GZMK: variants seen among roughly 807,000 people sequenced by gnomAD.
GZMK encodes NK-Tryp-2.
GZMK carries 18 observed loss-of-function variants against 22.8 expected under a neutral mutation model. The observed-to-expected ratio is 0.79, with a 90% CI of 0.54 to 1.17. The LOEUF (loss-of-function observed/expected upper bound fraction) is 1.17, where lower values mean the gene tolerates loss of function less well. Ranked by LOEUF, GZMK falls within the 50% of genes most tolerant of loss-of-function variation. GZMK has a pLI of 0.00. For missense variants in GZMK, 342 were observed against 320.2 expected, an observed-to-expected ratio of 1.07 and a Z score of -0.52; for synonymous variants, 136 against 115.0, an observed-to-expected ratio of 1.18 and a Z score of -1.17.
At chr5:55,030,377 C>G in intron 2 of GZMK, 57 bp from the exon 3 acceptor site, 1 of 1,539,266 alleles carries the variant, frequency 6.5e-7, no homozygotes, top group Non-Finnish European at 8.9e-7. Flanking sequence ...CATCACCACT[C>G]CCCACTGGGG....
At chr5:55,028,968 C>T (rs945448882) in intron 2 of GZMK, among the ~76,000 whole-genome samples, 2 of 152,208 alleles carry the variant, frequency 1.3e-5, no homozygotes, top group African/African-American at 4.8e-5. Context: ...GGCACAGAGA[C>T]TCACGCCTGT....
chr5:55,026,022 G>A lies in GZMK; in HGVS notation c.212+1215G>A, dbSNP rs139722488. Reference sequence around the variant, plus strand: ...TCTTCTCCAGGGCATTTGCCCCCTCGAGATCAGAGAGACAGAGTGGGGAAC... The same window carrying A: ...TCTTCTCCAGGGCATTTGCCCCCTCAAGATCAGAGAGACAGAGTGGGGAAC... On this transcript the variant is annotated intron_variant, in intron 2 of 4. Coordinates refer to ENST00000231009, the MANE Select transcript of GZMK (RefSeq NM_002104.3). Among the ~76,000 whole-genome samples the A allele has an allele frequency of 2.8e-3, 429 of 152,266 alleles. 1 individual carries two copies. The highest frequency in any genetic ancestry group is 7.4e-3 in the African/African-American group (306 of 41,546).
chr5:55,024,613 C>T, intron 1 of GZMK, 47 bp from the exon 2 acceptor site: 1 of 1,336,118 alleles, frequency 7.5e-7, no homozygotes, highest in East Asian at 2.3e-5. Flanking sequence ...TTACATGAAA[C>T]AGTAGTTTAG....
chr5:55,034,341 G>C lies in GZMK; in HGVS notation c.*415G>C, dbSNP rs1741283462. Reference sequence around the variant, plus strand: ...ATAGGCCCTTGCAACAAATGTTTAAGGGTATGATACATTATTGTTAACTAT... The same window carrying C: ...ATAGGCCCTTGCAACAAATGTTTAACGGTATGATACATTATTGTTAACTAT... On this transcript the variant is annotated 3_prime_UTR_variant, in exon 5 of 5. Transcript: ENST00000231009. The C allele has an allele frequency of 1.2e-5, 2 of 164,544 alleles. No homozygotes were observed. Among genetic ancestry groups the C allele is most frequent in the Admixed American group, 1.2e-4 (2 of 17,150 alleles). The allele number at this position is 164,544 out of a possible 1,614,324, so 10.2% of individuals were successfully genotyped here.
intron 4 of GZMK, among the ~76,000 whole-genome samples, chr5:55,032,913 G>C (rs1484424643): frequency 2.0e-5 from 3 of 152,116 alleles, no homozygotes; most frequent in African/African-American, 7.2e-5. Flanking sequence ...GTATAATTGG[G>C]GGAGAGGATA....
rs1580301802 is a variant in GZMK, at chr5:55,033,712, A to C, written c.634-53A>C. The C allele has an allele frequency of 5.4e-6, 8 of 1,488,194 alleles. No homozygotes were observed. The South Asian group carries it at 1.0e-4, about 19-fold the overall frequency. 92.2% of individuals were successfully genotyped at this position (1,488,194 alleles called of 1,614,324 possible). ...AATCAGCAGTTGGTGGTTAAAAAAC[A>C]AAAATATCCCAACAGCTTCTTACCA... is the stretch of plus-strand genomic sequence containing the variant. On this transcript the variant is annotated intron_variant, in intron 4 of 4. Coordinates refer to ENST00000231009, the MANE Select transcript of GZMK (RefSeq NM_002104.3).
At chr5:55,030,764 A>G (rs980619112) in intron 3 of GZMK, among the ~76,000 whole-genome samples, 180 bp downstream of exon 3, 23 of 152,210 alleles carry the variant, frequency 1.5e-4, no homozygotes, top group Admixed American at 1.5e-3. Context: ...ACAAGAATTT[A>G]TCACAAATGC....
intron 4 of GZMK, among the ~76,000 whole-genome samples, chr5:55,031,861 A>G (rs946189548): frequency 6.6e-6 from 1 of 152,248 alleles, no homozygotes; most frequent in African/African-American, 2.4e-5. Flanking sequence ...AATGTTTGTT[A>G]ATCAGGATAA....
intron 3 of GZMK, 66 bp from the exon 4 acceptor site, chr5:55,031,298 G>A (rs1741226400): frequency 1.8e-5 from 25 of 1,375,902 alleles, no homozygotes; most frequent in Non-Finnish European, 2.2e-5. Context: ...CCACACATAC[G>A]ACGCACAGGC....
chr5:55,024,567 G>A (rs1741114628), intron 1 of GZMK, 93 bp from the exon 2 acceptor site: 8 of 998,576 alleles, frequency 8.0e-6, no homozygotes, highest in South Asian at 6.6e-5. Context: ...TGTTTTTTAA[G>A]CTTTGAAAAT....
chr5:55,024,283 A>G lies in GZMK; in HGVS notation c.-40A>G. On this transcript the variant is annotated 5_prime_UTR_variant, in exon 1 of 5. Coordinates refer to ENST00000231009, the MANE Select transcript of GZMK (RefSeq NM_002104.3). ...AATCTTCTTCCTTCATCACAGGATC[A>G]ACACATTTCATCTGGGCTTCTTAAA... 1 of 947,758 alleles carries G rather than the reference A, an allele frequency of 1.1e-6. No individual in the cohort carries two copies. The highest frequency in any genetic ancestry group is 2.4e-5 in the East Asian group (1 of 41,882). The allele number at this position is 947,758 out of a possible 1,614,324, so 58.7% of individuals were successfully genotyped here. A position where few individuals can be genotyped will look rare whatever the true frequency, so the allele number is the denominator to read the frequency against.
At position 55,024,923 on chromosome 5, in the gene GZMK, G is replaced by A. The variant is rs549978452; in HGVS notation, c.212+116G>A. Reference sequence around the variant, plus strand: ...TCTACTGTTAGCTTCTGTGGTTACTGACCAACTGGTGGCGTTTATTTACCT... The same window carrying A: ...TCTACTGTTAGCTTCTGTGGTTACTAACCAACTGGTGGCGTTTATTTACCT... On this transcript the variant is annotated intron_variant, in intron 2 of 4. Transcript: ENST00000231009. The A allele has an allele frequency of 5.1e-4, 312 of 614,988 alleles. 1 individual carries two copies. The highest frequency in any genetic ancestry group is 8.2e-4 in the Middle Eastern group (3 of 3,644). The allele number at this position is 614,988 out of a possible 1,614,324, so 38.1% of individuals were successfully genotyped here.
At chr5:55,031,761 T>G in intron 4 of GZMK, 128 bp downstream of exon 4, 6 of 685,824 alleles carry the variant, frequency 8.7e-6, no homozygotes, top group South Asian at 2.0e-5. Flanking sequence ...ACACTTTCTC[T>G]TCATTCCTGC....
intron 2 of GZMK, among the ~76,000 whole-genome samples, chr5:55,030,151 A>T (rs1009299218): frequency 7.2e-5 from 11 of 152,344 alleles, no homozygotes; most frequent in Admixed American, 2.0e-4. Flanking sequence ...TAAGTCAATT[A>T]GGATTTCACT....
chr5:55,031,729 G>T, intron 4 of GZMK, 96 bp downstream of exon 4: 1 of 980,860 alleles, frequency 1.0e-6, no homozygotes, highest in Non-Finnish European at 1.5e-6. Context: ...GGGGCATGGA[G>T]AATACAAAAC....
chr5:55,028,806 T>A (rs6875666), intron 2 of GZMK, among the ~76,000 whole-genome samples: 69,490 of 152,122 alleles, frequency 0.46, 19,381 homozygotes, highest in African/African-American at 0.79. Context: ...GCTCTACGGT[T>A]CTGCCAAAAT....
chr5:55,029,063 C>T (rs1246679974), intron 2 of GZMK, among the ~76,000 whole-genome samples: 4 of 152,058 alleles, frequency 2.6e-5, no homozygotes, highest in Admixed American at 6.6e-5. Flanking sequence ...GATGAAATTC[C>T]GTCTTTACTA....
chr5:55,033,342 T>A (rs1690919676), intron 4 of GZMK, among the ~76,000 whole-genome samples: 1 of 152,262 alleles, frequency 6.6e-6, no homozygotes, highest in Non-Finnish European at 1.5e-5. Flanking sequence ...AACTCGATTT[T>A]AGGTCTGTGA....
Position 55,024,357 on chromosome 5 carries a change from T to C in GZMK, c.35T>C (p.Leu12Pro). ...TTTTCTTCCTTTTCTCTGTTTTTCC[T>C]AATAGTTGGGGCTTATATGACTCAT... ...TKFSSFSLFF[L>P]IVGAYMTHVC... The change falls in exon 1 of 5, where the codon CTA becomes CCA. Residue 12 changes from leucine (L) to proline (P), a missense_variant. Transcript: ENST00000231009. 1 of 1,496,202 alleles carries C rather than the reference T, an allele frequency of 6.7e-7. No individual in the cohort carries two copies. The highest frequency in any genetic ancestry group is 9.3e-7 in the Non-Finnish European group (1 of 1,074,232). 92.7% of individuals were successfully genotyped at this position (1,496,202 alleles called of 1,614,324 possible). A position where few individuals can be genotyped will look rare whatever the true frequency, so the allele number is the denominator to read the frequency against.
Sources: gnomAD v4.1 joint callset for allele counts (sites outside exome capture counted in the v4.1 genomes callset) on GRCh38, gnomAD v4.1.1 for gene constraint, MANE v1.5 for transcripts, NCBI Gene and HGNC (gene_info 2026-07-23, HGNC 2026-07-21) for gene names.